The following LPAR3 variants were observed in gnomAD, a reference collection of about 807,000 sequenced individuals.
LPAR3 encodes the protein LPA receptor 3.
In LPAR3, 7 loss-of-function variants were observed where a neutral mutation model predicts 17.8. The ratio of observed to expected loss-of-function variants is 0.39; its 90% CI spans 0.22 to 0.74. The LOEUF (loss-of-function observed/expected upper bound fraction) is 0.74, where lower values mean the gene tolerates loss of function less well. Among genes scored for constraint, LPAR3 ranks in the 30% least tolerant of loss-of-function variants. LPAR3 has a pLI of 0.40. For missense variants in LPAR3, 391 were observed against 453.4 expected (o/e 0.86, Z 1.25); for synonymous variants, 179 against 179.9 (o/e 0.99, Z 0.04).
intron 2 of LPAR3, among the ~76,000 whole-genome samples, chr1:84,843,832 T>C (rs1023987283): frequency 6.6e-6 from 1 of 152,242 alleles, no homozygotes; most frequent in African/African-American, 2.4e-5. Context: ...TCAGGCCTTT[T>C]GCATCTGCTG....
At chr1:84,887,563 AG>A (rs1438166954) in intron 1 of LPAR3, among the ~76,000 whole-genome samples, 1 of 152,196 alleles carries the variant, frequency 6.6e-6, no homozygotes, top group African/African-American at 2.4e-5. Flanking sequence ...GGGGAAACAA[AG>A]GGAAACGAAG....
chr1:84,830,529 C>T (rs554490621), intron 2 of LPAR3, among the ~76,000 whole-genome samples: 2 of 152,056 alleles, frequency 1.3e-5, no homozygotes, highest in Admixed American at 6.5e-5. Context: ...TTCCACAGCA[C>T]ACTCTTACAC....
intron 2 of LPAR3, among the ~76,000 whole-genome samples, chr1:84,815,592 G>A (rs1007266823): frequency 6.6e-5 from 10 of 152,192 alleles, no homozygotes; most frequent in Admixed American, 2.6e-4. Context: ...GAAGAGCCAC[G>A]AACTTTGGGG....
intron 1 of LPAR3, among the ~76,000 whole-genome samples, chr1:84,870,882 AC>A (rs1259173687): frequency 3.3e-5 from 5 of 152,242 alleles, no homozygotes; most frequent in Non-Finnish European, 5.9e-5. Flanking sequence ...ATTTATACTT[AC>A]AAGAGTTACA....
At chr1:84,857,819 C>A (rs1036755781) in intron 2 of LPAR3, among the ~76,000 whole-genome samples, 1 of 152,204 alleles carries the variant, frequency 6.6e-6, no homozygotes, top group Non-Finnish European at 1.5e-5. Context: ...GACATTGAAC[C>A]TTTTCGGGCC....
chr1:84,812,877 A>G lies in LPAR3; in HGVS notation c.*969T>C, dbSNP rs1302517139. On this transcript the variant is annotated 3_prime_UTR_variant, in exon 3 of 3. Coordinates refer to ENST00000370611, the MANE Select transcript of LPAR3 (RefSeq NM_012152.3). The stretch of plus-strand genomic sequence containing the variant: ...CAAGATTATCAGCTGGATGTTCCAT[A>G]GGCACTTCAAACTTCACATTCTCTT... The G allele has an allele frequency of 2.0e-5, 3 of 151,852 alleles. No homozygotes were observed. Among genetic ancestry groups the G allele is most frequent in the Non-Finnish European group, 4.4e-5 (3 of 67,996 alleles). The allele number at this position is 151,852 out of a possible 1,614,324, so 9.4% of individuals were successfully genotyped here. A position where few individuals can be genotyped will look rare whatever the true frequency, so the allele number is the denominator to read the frequency against.
At chr1:84,837,055 C>T (rs551869444) in intron 2 of LPAR3, among the ~76,000 whole-genome samples, 8 of 142,676 alleles carry the variant, frequency 5.6e-5, no homozygotes, top group African/African-American at 8.0e-5. Context: ...GACGGAGTCT[C>T]GCTCTGTTGC....
chr1:84,829,180 T>G (rs77852458), intron 2 of LPAR3, among the ~76,000 whole-genome samples: 8,659 of 123,708 alleles, frequency 0.07, 348 homozygotes, highest in Middle Eastern at 0.11. Context: ...TTTTTTTTTT[T>G]GCTTATTGGT....
At chr1:84,830,048 A>C (rs1659251519) in intron 2 of LPAR3, among the ~76,000 whole-genome samples, 1 of 152,194 alleles carries the variant, frequency 6.6e-6, no homozygotes, top group Non-Finnish European at 1.5e-5. Context: ...ATCTGACTGA[A>C]GGCAATGACA....
At chr1:84,855,510 T>C (rs9661954) in intron 2 of LPAR3, among the ~76,000 whole-genome samples, 5,806 of 152,266 alleles carry the variant, frequency 0.038, 340 homozygotes, top group African/African-American at 0.13. Flanking sequence ...ATTTGAGAAA[T>C]GTTTCTCCAC....
At chr1:84,824,192 T>C (rs1228187015) in intron 2 of LPAR3, among the ~76,000 whole-genome samples, 4 of 152,138 alleles carry the variant, frequency 2.6e-5, no homozygotes, top group Admixed American at 2.6e-4. Context: ...GCATAAAATA[T>C]CATTCTGAGC....
chr1:84,831,481 A>C (rs980244448), intron 2 of LPAR3, among the ~76,000 whole-genome samples: 18 of 152,096 alleles, frequency 1.2e-4, no homozygotes, highest in African/African-American at 4.3e-4. Context: ...AGCCAAATTA[A>C]ATCTTAAAAC....
At chr1:84,877,755 T>C (rs898377666) in intron 1 of LPAR3, among the ~76,000 whole-genome samples, 1 of 152,220 alleles carries the variant, frequency 6.6e-6, no homozygotes, top group South Asian at 2.1e-4. Context: ...TTGCACTGTA[T>C]ATGCATTCTT....
intron 2 of LPAR3, among the ~76,000 whole-genome samples, chr1:84,819,177 A>G (rs889141953): frequency 1.3e-5 from 2 of 152,146 alleles, no homozygotes; most frequent in Non-Finnish European, 2.9e-5. Flanking sequence ...CTTCACATCA[A>G]AGTTGGTAGC....
At chr1:84,818,637 A>G (rs1279015714) in intron 2 of LPAR3, among the ~76,000 whole-genome samples, 1 of 152,220 alleles carries the variant, frequency 6.6e-6, no homozygotes, top group Non-Finnish European at 1.5e-5. Flanking sequence ...TTACCACCCA[A>G]CTTAAAGAAC....
chr1:84,872,183 T>G (rs1318415699), intron 1 of LPAR3, among the ~76,000 whole-genome samples: 3 of 152,236 alleles, frequency 2.0e-5, no homozygotes, highest in African/African-American at 7.2e-5. Context: ...ACTTGTTAAA[T>G]GTAGAATTAA....
chr1:84,883,412 G>GAGTCCCAGATGAATGTGTACAATC (rs1553150174), intron 1 of LPAR3, among the ~76,000 whole-genome samples: 2 of 152,190 alleles, frequency 1.3e-5, no homozygotes, highest in Admixed American at 6.5e-5. Flanking sequence ...TTTAGTCCCA[G>GAGTCCCAGATGAATGTGTACAATC]AGTCCCAGAT....
chr1:84,887,033 C>T (rs925675691), intron 1 of LPAR3, among the ~76,000 whole-genome samples: 2 of 152,018 alleles, frequency 1.3e-5, no homozygotes, highest in Non-Finnish European at 2.9e-5. Flanking sequence ...TAGTAGTATG[C>T]CAACTAACAA....
intron 2 of LPAR3, among the ~76,000 whole-genome samples, chr1:84,840,801 T>C (rs1659490720): frequency 6.6e-6 from 1 of 152,206 alleles, no homozygotes; most frequent in South Asian, 2.1e-4. Flanking sequence ...AGAAAAGATA[T>C]AATCAAAGGA....
Sources: allele counts gnomAD v4.1 joint callset (sites outside exome capture counted in the v4.1 genomes callset), GRCh38; gene constraint gnomAD v4.1.1; transcripts MANE v1.5; gene names NCBI Gene and HGNC (gene_info 2026-07-23, HGNC 2026-07-21).